Variants in MTFMT observed in about 807,000 individuals in gnomAD.
The protein encoded by MTFMT is methionyl-tRNA formyltransferase, mitochondrial.
In MTFMT, 47 loss-of-function variants were observed where a neutral mutation model predicts 51.8. The observed-to-expected ratio is 0.91, with a 90% CI of 0.72 to 1.16. The LOEUF (loss-of-function observed/expected upper bound fraction) is 1.16, where lower values mean the gene tolerates loss of function less well. Among genes scored for constraint, MTFMT ranks in the 50% most tolerant of loss-of-function variants. MTFMT has a pLI of 0.00. For synonymous variants in MTFMT, 196 were observed against 176.7 expected, an observed-to-expected ratio of 1.11 and a Z score of -0.87; for missense variants, 512 against 482.3, an observed-to-expected ratio of 1.06 and a Z score of -0.58.
chr15:65,010,345 A>G (rs1225951768), intron 6 of MTFMT, among the ~76,000 whole-genome samples: 3 of 125,114 alleles, frequency 2.4e-5, no homozygotes, highest in African/African-American at 9.2e-5. Context: ...GAACATTTTC[A>G]TTACCTCTCT....
chr15:65,003,032 G>T lies in MTFMT; in HGVS notation c.*30C>A. 42 of 1,123,844 alleles carry T rather than the reference G, an allele frequency of 3.7e-5. No individual in the cohort carries two copies. Among genetic ancestry groups the T allele is most frequent in the Non-Finnish European group, 4.5e-5 (37 of 824,448 alleles). The allele number at this position is 1,123,844 out of a possible 1,614,324, so 69.6% of individuals were successfully genotyped here. ...AAGGTTTTTAATAAATTACAAATAT[G>T]TAATAGGTTTTTATCCATCTTCTTC... On this transcript the variant is annotated 3_prime_UTR_variant, in exon 9 of 9. Transcript: ENST00000220058.
At position 65,029,463 on chromosome 15, in the gene MTFMT, G is replaced by A. The variant is rs2086460319; in HGVS notation, c.151C>T (p.Leu51Phe). 6.5e-7 allele frequency: 1 copy of A among 1,531,422 alleles called. No homozygotes were observed. Among genetic ancestry groups the A allele is most frequent in the Admixed American group, 2.0e-5 (1 of 49,668 alleles). 94.9% of individuals were successfully genotyped at this position (1,531,422 alleles called of 1,614,324 possible). The part of the protein sequence containing the change: ...RVREKPPWRV[L>F]FFGTDQFARE... The stretch of plus-strand genomic sequence containing the variant: ...GCGAACTGGTCCGTGCCGAAGAAGA[G>A]CACCCGCCAGGGAGGCTTCTCGCGG... The change falls in exon 1 of 9, where the codon CTC (leucine) becomes TTC (phenylalanine). Residue 51 changes from leucine to phenylalanine, a missense_variant. Transcript: ENST00000220058.
chr15:65,015,021 T>C (rs1241855100), intron 6 of MTFMT, among the ~76,000 whole-genome samples: 5 of 151,054 alleles, frequency 3.3e-5, no homozygotes, highest in Non-Finnish European at 4.4e-5. Flanking sequence ...TGACACATAA[T>C]AGGCCTTCAA....
In MTFMT at chr15:65,006,455, C is replaced by T. The variant is rs1305490244; in HGVS notation, c.814-264G>A. On this transcript the variant is annotated intron_variant, in intron 6 of 8. Coordinates refer to ENST00000220058, the MANE Select transcript of MTFMT (RefSeq NM_139242.4). ...GCAGTGGCGCGATCTTGGCTCACTG[C>T]AAGCTCCGCCTCCCGGGTTCACGCC... Among the ~76,000 whole-genome samples the T allele has an allele frequency of 2.0e-5, 3 of 150,720 alleles. No homozygotes were observed. The East Asian group carries it at 5.8e-4, about 29-fold the overall frequency.
chr15:65,003,956 G>T (rs1188040796), intron 8 of MTFMT, among the ~76,000 whole-genome samples: 2 of 151,896 alleles, frequency 1.3e-5, no homozygotes, highest in Non-Finnish European at 2.9e-5. Context: ...GACAAAGAGA[G>T]GTTGATGGAG....
At chr15:65,016,063 A>G (rs2086319214) in intron 6 of MTFMT, 2 of 154,174 alleles carry the variant, frequency 1.3e-5, no homozygotes, top group Non-Finnish European at 2.9e-5. Flanking sequence ...AAAGGCAGAA[A>G]GACATACTGG....
At chr15:65,022,568 AT>A (rs1013982990) in intron 3 of MTFMT, among the ~76,000 whole-genome samples, 1 of 150,680 alleles carries the variant, frequency 6.6e-6, no homozygotes. Flanking sequence ...GCTTTATTTA[AT>A]TTTTTTTTGC....
intron 6 of MTFMT, among the ~76,000 whole-genome samples, chr15:65,011,727 T>C (rs1022849607): frequency 1.3e-5 from 2 of 151,840 alleles, no homozygotes; most frequent in African/African-American, 2.4e-5. Context: ...AATTCTTGGG[T>C]TCAAGCAGTC....
chr15:65,025,964 T>G (rs1470443079), intron 2 of MTFMT: 1 of 151,886 alleles, frequency 6.6e-6, no homozygotes, highest in Non-Finnish European at 1.5e-5. Flanking sequence ...TCAGGCCGAG[T>G]CATGTGTCAG....
Position 65,027,009 on chromosome 15 carries a change from G to C in MTFMT, c.241C>G (p.Leu81Val). 6.2e-7 allele frequency: 1 copy of C among 1,613,874 alleles called. No individual in the cohort carries two copies. Among genetic ancestry groups the C allele is most frequent in the African/African-American group, 1.3e-5 (1 of 75,030 alleles). Residue 81 changes from leucine (L) to valine (V), a missense_variant, in exon 2 of 9, where the codon CTG becomes GTG. Coordinates refer to ENST00000220058, the MANE Select transcript of MTFMT (RefSeq NM_139242.4). ...ENKEEELIDKLEVVTMPSPSP... is the reference protein window; with the variant it reads ...ENKEEELIDKVEVVTMPSPSP... ...GGGGAAGGCATTGTGACCACCTCCA[G>C]TTTGTCGATTAACTCTTCTTCTTTG...
At chr15:65,005,666 C>T (rs2086215094) in intron 7 of MTFMT, among the ~76,000 whole-genome samples, 4 of 147,260 alleles carry the variant, frequency 2.7e-5, no homozygotes, top group African/African-American at 5.0e-5. Flanking sequence ...TGGAGTGCAG[C>T]GGCGCAATCT....
chr15:65,006,290 T>G lies in MTFMT; in HGVS notation c.814-99A>C, dbSNP rs1237262064. ...TGTTAATCTGGACTTTTCTTTCAAT[T>G]AGAGGAATTGGGAACTCAGTCACTA... On this transcript the variant is annotated intron_variant, in intron 6 of 8. Transcript: ENST00000220058. 7 of 883,948 alleles carry G rather than the reference T, an allele frequency of 7.9e-6. No homozygotes were observed. In the African/African-American group the frequency reaches 8.3e-5, roughly 11 times the overall value. The allele number at this position is 883,948 out of a possible 1,614,324, so 54.8% of individuals were successfully genotyped here.
chr15:65,016,202 C>A (rs969854227), intron 6 of MTFMT: 1 of 283,532 alleles, frequency 3.5e-6, no homozygotes, highest in Non-Finnish European at 6.6e-6. Flanking sequence ...TGTGAAACTG[C>A]AATATACATA....
intron 2 of MTFMT, chr15:65,026,131 A>AATCTTTGAT (rs1406967189): frequency 1.3e-5 from 2 of 153,922 alleles, no homozygotes; most frequent in African/African-American, 4.8e-5. Context: ...AAAACTTAAC[A>AATCTTTGAT]ATCTTTGATA....
chr15:65,004,861 T>A lies in MTFMT; in HGVS notation c.968A>T (p.Tyr323Phe). The change falls in exon 8 of 9, where the codon TAT becomes TTT. Residue 323 changes from tyrosine to phenylalanine, a missense_variant. Tyr to Phe is a conservative substitution (Grantham distance 22, BLOSUM62 3). Coordinates refer to ENST00000220058, the MANE Select transcript of MTFMT (RefSeq NM_139242.4). ...AACTAATGAAAAACATACCTTGCAATAAACCAATAGTATTTGTGACTGTTT... is the reference window on the plus strand; with the variant it reads ...AACTAATGAAAAACATACCTTGCAAAAAACCAATAGTATTTGTGACTGTTT... ...YHKQSQILLV[Y>F]CKDGWIGVRS... 5 of 1,595,284 alleles carry A rather than the reference T, an allele frequency of 3.1e-6. No homozygotes were observed. The highest frequency in any genetic ancestry group is 4.3e-6 in the Non-Finnish European group (5 of 1,166,754).
At position 65,021,474 on chromosome 15, in the gene MTFMT, C is replaced by T. The variant is rs780362744; in HGVS notation, c.645+40G>A. ...TTTTTATAACCACTTAGGAAACCCA[C>T]TAAATGAGTAAAAAGCAGTAGGATA... On this transcript the variant is annotated intron_variant, in intron 4 of 8. Transcript: ENST00000220058. 6.7e-5 allele frequency: 97 copies of T among 1,454,956 alleles called. 2 individuals carry two copies. The Admixed American group carries it at 1.6e-3, about 24-fold the overall frequency. 90.1% of individuals were successfully genotyped at this position (1,454,956 alleles called of 1,614,324 possible).
chr15:65,021,109 G>C (rs1159557237), intron 4 of MTFMT, among the ~76,000 whole-genome samples: 1 of 152,212 alleles, frequency 6.6e-6, no homozygotes, highest in African/African-American at 2.4e-5. Context: ...ATGGTCAGCA[G>C]AATTCTAGTG....
At chr15:65,005,004 T>C (rs2086210330) in intron 7 of MTFMT, 68 bp from the exon 8 acceptor site, 2 of 1,135,718 alleles carry the variant, frequency 1.8e-6, no homozygotes, top group Admixed American at 1.9e-5. Context: ...TAGTACTTCT[T>C]AAAAATCAAA....
Position 65,021,583 on chromosome 15 carries a change from A to G in MTFMT, c.576T>C (p.Thr192=). Residue 192 remains threonine (T), a synonymous_variant, in exon 4 of 9, where the codon ACT becomes ACC. Transcript: ENST00000220058. ...CAGTGCTCTTGGGTGGCACAGGAAC[A>G]GTTTCTTGTTTGAGAATTGGGCCTA... is the stretch of plus-strand genomic sequence containing the variant. ...FDVGPILKQE[T]VPVPPKSTAK... is the part of the protein sequence containing the mutation. 1.9e-6 allele frequency: 3 copies of G among 1,593,806 alleles called. No homozygotes were observed. The highest frequency in any genetic ancestry group is 2.6e-6 in the Non-Finnish European group (3 of 1,164,454).
Sources: gnomAD v4.1 joint callset for allele counts (sites outside exome capture counted in the v4.1 genomes callset) on GRCh38, gnomAD v4.1.1 for gene constraint, MANE v1.5 for transcripts, NCBI Gene and HGNC (gene_info 2026-07-23, HGNC 2026-07-21) for gene names.